NOL9: variants seen among roughly 807,000 people sequenced by gnomAD.
NOL9 encodes polynucleotide 5'-hydroxyl-kinase NOL9.
In NOL9, 28 loss-of-function variants were observed where a neutral mutation model predicts 67.9. That is an observed-to-expected ratio of 0.41 (90% confidence interval 0.31 to 0.57). NOL9 has a LOEUF of 0.57. NOL9 is among the 20% of genes least tolerant of loss of function. NOL9 has a pLI of 0.25. For missense variants in NOL9, 777 were observed against 897.0 expected, an observed-to-expected ratio of 0.87 and a Z score of 1.71; for synonymous variants, 356 against 352.2, an observed-to-expected ratio of 1.01 and a Z score of -0.12.
At chr1:6,550,368 C>T in intron 2 of NOL9, 28 bp downstream of exon 2, 1 of 1,584,022 alleles carries the variant, frequency 6.3e-7, no homozygotes, top group Non-Finnish European at 8.7e-7. Context: ...AGTAGGCCCT[C>T]AGTAAATTAC....
rs143075565 is a variant in NOL9 at position 6,548,337 on chromosome 1, G to A, written c.744+1234C>T. The A allele has an allele frequency of 3.7e-3, 611 of 163,872 alleles. 3 individuals carry two copies. Among genetic ancestry groups the A allele is most frequent in the Admixed American group, 0.012 (200 of 16,132 alleles). 10.2% of individuals were successfully genotyped at this position (163,872 alleles called of 1,614,324 possible). A position where few individuals can be genotyped will look rare whatever the true frequency, so the allele number is the denominator to read the frequency against. Reference sequence around the variant, plus strand: ...ATTTTGTGTATATTTAGTAGAGATGGGGTTTTGCCATGTTGGCCAGGCTGG... The same window carrying A: ...ATTTTGTGTATATTTAGTAGAGATGAGGTTTTGCCATGTTGGCCAGGCTGG... On this transcript the variant is annotated intron_variant, in intron 3 of 11. Transcript: ENST00000377705.
chr1:6,546,869 T>C (rs1477727207), intron 3 of NOL9, among the ~76,000 whole-genome samples: 1 of 152,236 alleles, frequency 6.6e-6, no homozygotes, highest in African/African-American at 2.4e-5. Context: ...AATACTTTAC[T>C]ACTAAGCCTG....
chr1:6,552,411 A>T (rs1005611228), intron 1 of NOL9, among the ~76,000 whole-genome samples: 3 of 151,918 alleles, frequency 2.0e-5, no homozygotes, highest in Non-Finnish European at 4.4e-5. Flanking sequence ...ACATGATCTC[A>T]TCCCTTTTTA....
chr1:6,526,349 G>A (rs773071294), intron 11 of NOL9, among the ~76,000 whole-genome samples: 2 of 152,114 alleles, frequency 1.3e-5, no homozygotes, highest in African/African-American at 4.8e-5. Flanking sequence ...GGCTGGCTCT[G>A]GGGCACACAG....
intron 9 of NOL9, among the ~76,000 whole-genome samples, chr1:6,529,569 T>G (rs1277851794): frequency 1.4e-5 from 2 of 146,664 alleles, no homozygotes; most frequent in East Asian, 4.1e-4. Context: ...GCCTGGGTGA[T>G]AGAGCAAGAC....
chr1:6,534,432 G>C (rs546844861), intron 6 of NOL9, among the ~76,000 whole-genome samples: 10 of 152,286 alleles, frequency 6.6e-5, no homozygotes, highest in Admixed American at 5.2e-4. Context: ...CCAGTGACCA[G>C]GACTGTGTGT....
Position 6,554,451 on chromosome 1 carries a change from G to A in NOL9, c.52C>T (p.Leu18=), listed in dbSNP as rs759523163. ...LKRGSCRSTW[L]RVRKARPQLI... Reference sequence around the variant, plus strand: ...TGGGGCCGGGCCTTGCGGACCCGCAGCCAAGTGGAACGGCAGGAACCCCGC... The same window carrying A: ...TGGGGCCGGGCCTTGCGGACCCGCAACCAAGTGGAACGGCAGGAACCCCGC... The change falls in exon 1 of 12, where the codon CTG becomes TTG. Residue 18 remains leucine (L), a synonymous_variant. Coordinates refer to ENST00000377705, the MANE Select transcript of NOL9 (RefSeq NM_024654.5). 7 of 1,551,890 alleles carry A rather than the reference G, an allele frequency of 4.5e-6. No homozygotes were observed. In the South Asian group the frequency reaches 6.9e-5, roughly 15 times the overall value.
rs747891172 is a variant in NOL9, at chr1:6,541,939, TA to T, written c.978-13del. ...CAACGCAGGGAAGACTGCAAATTTT[TA>T]AAAAAGAAAAAAGAAAGAAAATCCT... On this transcript the variant is annotated splice_polypyrimidine_tract_variant and intron_variant, in intron 5 of 11. Transcript: ENST00000377705. The T allele has an allele frequency of 6.4e-7, 1 of 1,551,234 alleles. No individual in the cohort carries two copies. Among genetic ancestry groups the T allele is most frequent in the Middle Eastern group, 1.7e-4 (1 of 5,824 alleles).
rs1638872051 is a variant in NOL9, at chr1:6,525,877, T to TAG, written c.2084_2085dup (p.Lys696LeufsTer7). 2 of 1,614,052 alleles carry TAG rather than the reference T, an allele frequency of 1.2e-6. No individual in the cohort carries two copies. The highest frequency in any genetic ancestry group is 1.7e-6 in the Non-Finnish European group (2 of 1,180,022). ...CATCACTTCATTTTTCGACAGAACT[T>TAG]AGGTCTTCGGTATGGTTTCTCTTTA... On this transcript the variant is annotated frameshift_variant, in exon 12 of 12. Coordinates refer to ENST00000377705, the MANE Select transcript of NOL9 (RefSeq NM_024654.5). LOFTEE classifies it high-confidence loss of function.
In NOL9 at chr1:6,541,906, C is replaced by G; in HGVS notation, c.999G>C (p.Leu333Phe). Reference sequence around the variant, plus strand: ...ATTCTGTCTGTCCCAGATCACATTCCAAATAGTCAACGCAGGGAAGACTGC... The same window carrying G: ...ATTCTGTCTGTCCCAGATCACATTCGAAATAGTCAACGCAGGGAAGACTGC... ...LLNSLPCVDY[L>F]ECDLGQTEFT... is the part of the protein sequence containing the mutation. The change falls in exon 6 of 12, where the codon TTG becomes TTC. Residue 333 changes from leucine to phenylalanine, a missense_variant. By Grantham distance (22) the Leu-to-Phe change is conservative. Coordinates refer to ENST00000377705, the MANE Select transcript of NOL9 (RefSeq NM_024654.5). 6.2e-7 allele frequency: 1 copy of G among 1,602,580 alleles called. No homozygotes were observed. Among genetic ancestry groups the G allele is most frequent in the Admixed American group, 1.7e-5 (1 of 57,798 alleles).
chr1:6,546,417 C>T (rs986479477), intron 3 of NOL9, among the ~76,000 whole-genome samples: 11 of 152,182 alleles, frequency 7.2e-5, no homozygotes, highest in Admixed American at 1.3e-4. Context: ...ACAGTCCGTT[C>T]GCTGTCCCAC....
intron 6 of NOL9, among the ~76,000 whole-genome samples, chr1:6,534,007 C>T (rs536905041): frequency 3.3e-5 from 5 of 152,212 alleles, no homozygotes; most frequent in South Asian, 4.1e-4. Context: ...CCTGCCTCAG[C>T]CTCTCAAGTA....
intron 3 of NOL9, chr1:6,549,267 A>G: frequency 5.3e-6 from 1 of 190,250 alleles, no homozygotes; most frequent in Non-Finnish European, 1.1e-5. Flanking sequence ...AAAAAAACGA[A>G]CCAACCAACC....
At chr1:6,553,846 AG>A (rs1639599363) in intron 1 of NOL9, among the ~76,000 whole-genome samples, 1 of 51,176 alleles carries the variant, frequency 2.0e-5, no homozygotes, top group Admixed American at 2.7e-4. Flanking sequence ...TGTCTCAAAA[AG>A]AAAAAGAAAG....
intron 10 of NOL9, among the ~76,000 whole-genome samples, chr1:6,528,544 G>A (rs908273): frequency 0.76 from 115,979 of 152,182 alleles, 46,394 homozygotes; most frequent in Non-Finnish European, 0.87. Flanking sequence ...GTACGAGCCT[G>A]GGGCAAGGAG....
intron 6 of NOL9, among the ~76,000 whole-genome samples, chr1:6,539,957 G>A (rs1570062431): frequency 6.6e-6 from 1 of 152,062 alleles, no homozygotes; most frequent in East Asian, 1.9e-4. Flanking sequence ...TAGGAAAGAG[G>A]ACAAGAGGAG....
Position 6,526,011 on chromosome 1 carries a change from G to T in NOL9, c.1960-8C>A. ...TGTCCCTTCGATCCCACGCTGAAAC[G>T]GAAACACAGAGAATGCATGGAAACA... On this transcript the variant is annotated splice_region_variant and splice_polypyrimidine_tract_variant and intron_variant, in intron 11 of 11. Transcript: ENST00000377705. The T allele has an allele frequency of 6.2e-7, 1 of 1,612,648 alleles. No homozygotes were observed.
rs1639053031 is a variant in NOL9 at position 6,532,537 on chromosome 1, A to T, written c.1461T>A (p.Ser487Arg). Residue 487 changes from serine (S) to arginine (R), a missense_variant, in exon 8 of 12, where the codon AGT becomes AGA. Transcript: ENST00000377705. ...GTTTATGTCCAGTGAACTCAACTGG[A>T]CTCTCTTTTTCTTCATCAGCAAATT... The part of the protein sequence containing the change: ...ALEFADEEKE[S>R]PVEFTGHKLI... 4 of 1,613,814 alleles carry T rather than the reference A, an allele frequency of 2.5e-6. No homozygotes were observed. The East Asian group carries it at 8.9e-5, about 36-fold the overall frequency.
chr1:6,543,142 C>T (rs1037653061), intron 5 of NOL9, among the ~76,000 whole-genome samples: 2 of 151,918 alleles, frequency 1.3e-5, no homozygotes, highest in Non-Finnish European at 2.9e-5. Context: ...AATCCTCCTA[C>T]CTCAGCTTCC....
Sources: gnomAD v4.1 joint callset for allele counts (sites outside exome capture counted in the v4.1 genomes callset) on GRCh38, gnomAD v4.1.1 for gene constraint, MANE v1.5 for transcripts, NCBI Gene and HGNC (gene_info 2026-07-23, HGNC 2026-07-21) for gene names.